Variants in ZSCAN31 observed in about 807,000 individuals in gnomAD.
The protein encoded by ZSCAN31 is zinc finger and SCAN domain-containing protein 31.
In ZSCAN31, 14 loss-of-function variants were observed where a neutral mutation model predicts 22.5. The observed-to-expected ratio is 0.62, with a 90% confidence interval of 0.41 to 0.97. ZSCAN31 has a LOEUF of 0.97. ZSCAN31 is among the 50% of genes least tolerant of loss of function. The probability of loss-of-function intolerance (pLI) is 0.00; values close to 1 mark genes in which losing one functional copy is unlikely to be tolerated. For missense variants in ZSCAN31, 424 were observed against 483.4 expected, an observed-to-expected ratio of 0.88 and a Z score of 1.15; for synonymous variants, 168 against 169.8, an observed-to-expected ratio of 0.99 and a Z score of 0.08.
rs1417106920 is a variant in ZSCAN31 at position 28,349,163 on chromosome 6, TCA to T, written c.-371+4697_-371+4698del. Among the ~76,000 whole-genome samples, 1 of 20,902 alleles carries T rather than the reference TCA, an allele frequency of 4.8e-5. No individual in the cohort carries two copies. The highest frequency in any genetic ancestry group is 9.4e-5 in the Non-Finnish European group (1 of 10,686). 13.7% of individuals were successfully genotyped at this position (20,902 alleles called of 152,430 possible). ...TCATATATAGGTGTATATATATGTCTCATATATATAGGTGTATATATATGTCT... is the reference window on the plus strand; with the variant it reads ...TCATATATAGGTGTATATATATGTCTTATATATAGGTGTATATATATGTCT... On this transcript the variant is annotated intron_variant, in intron 2 of 7. Coordinates refer to the ZSCAN31 transcript ENST00000396838. The surrounding 1 kb of genome is among the most constrained non-coding windows in gnomAD (Gnocchi z 4.1).
Position 28,326,312 on chromosome 6 carries a change from C to T in ZSCAN31, c.1075G>A (p.Ala359Thr). 1 of 1,614,178 alleles carries T rather than the reference C, an allele frequency of 6.2e-7. No individual in the cohort carries two copies. The highest frequency in any genetic ancestry group is 1.1e-5 in the South Asian group (1 of 91,076). Residue 359 changes from alanine (A) to threonine (T), a missense_variant, in exon 4 of 4, where the codon GCC becomes ACC. By Grantham distance (58) the Ala-to-Thr change is moderately conservative (BLOSUM62 0). Transcript: ENST00000344279. Reference protein sequence around the residue: ...KRYQCRECGKAFIQNAGLFQH... With the variant: ...KRYQCRECGKTFIQNAGLFQH... ...AAAAGCCCTGCATTCTGAATGAAGG[C>T]TTTGCCACACTCACGACACTGATAG...
intron 2 of ZSCAN31, among the ~76,000 whole-genome samples, chr6:28,348,072 TTC>T (rs768453657): frequency 5.3e-5 from 8 of 152,244 alleles, no homozygotes; most frequent in Admixed American, 1.3e-4. Flanking sequence ...GTTGGCTTTT[TTC>T]TCTCTTATTC....
At chr6:28,340,113 A>G (rs866566257), upstream of ZSCAN31, among the ~76,000 whole-genome samples, 1 of 152,384 alleles carries the variant, frequency 6.6e-6, no homozygotes, top group African/African-American at 2.4e-5. Flanking sequence ...TGCAGTGGAA[A>G]TAGATAGGAA....
rs1227674258 is a variant in ZSCAN31 at position 28,326,197 on chromosome 6, T to C, written c.1190A>G (p.His397Arg). The C allele has an allele frequency of 4.3e-6, 7 of 1,611,524 alleles. No individual in the cohort carries two copies. The highest frequency in any genetic ancestry group is 5.9e-6 in the Non-Finnish European group (7 of 1,178,092). Residue 397 changes from histidine to arginine, a missense_variant, in exon 4 of 4, where the codon CAT becomes CGT. Coordinates refer to ENST00000344279, the MANE Select transcript of ZSCAN31 (RefSeq NM_030899.5). The part of the protein sequence containing the change: ...LFSKRTLLKK[H>R]QKIHTGERP ...TCTCTCTCCAGTGTGGATTTTCTGA[T>C]GTTTCTTAAGAAGTGTCCGCTTACT...
At chr6:28,327,844 G>T (rs1277972312) in intron 2 of ZSCAN31, among the ~76,000 whole-genome samples, 2 of 152,128 alleles carry the variant, frequency 1.3e-5, no homozygotes, top group Non-Finnish European at 2.9e-5. Flanking sequence ...TAACTTCTGA[G>T]TCGTAAAAAG....
rs1410757453 is a variant in ZSCAN31, at chr6:28,347,698, C to G, written c.-370-5906G>C. Among the ~76,000 whole-genome samples the G allele has an allele frequency of 6.6e-6, 1 of 152,178 alleles. No individual in the cohort carries two copies. Among genetic ancestry groups the G allele is most frequent in the Non-Finnish European group, 1.5e-5 (1 of 68,034 alleles). On this transcript the variant is annotated intron_variant, in intron 2 of 7. Transcript: ENST00000396838. The surrounding 1 kb of genome is among the most constrained non-coding windows in gnomAD (Gnocchi z 5.2). The stretch of plus-strand genomic sequence containing the variant: ...CATCTAAAGCTATGTCTGGCCTAGA[C>G]TAGTCAATTAACATTTTTGTTTATG...
At chr6:28,343,904 A>G (rs1764532254) in intron 2 of ZSCAN31, among the ~76,000 whole-genome samples, 1 of 152,142 alleles carries the variant, frequency 6.6e-6, no homozygotes, top group Non-Finnish European at 1.5e-5. Context: ...TGGTAAATGC[A>G]TTCTTTTCCA....
upstream of ZSCAN31, among the ~76,000 whole-genome samples, chr6:28,338,727 T>C (rs1764297171): frequency 6.6e-6 from 1 of 152,192 alleles, no homozygotes; most frequent in Admixed American, 6.5e-5. Flanking sequence ...CTATAGTAAC[T>C]CTCCCCTAAT....
At chr6:28,354,524 T>C (rs1765292217), upstream of ZSCAN31, among the ~76,000 whole-genome samples, 1 of 152,092 alleles carries the variant, frequency 6.6e-6, no homozygotes, top group African/African-American at 2.4e-5. Context: ...GACACATAAG[T>C]CTGACACATA....
In ZSCAN31 at chr6:28,351,481, T is replaced by A. The variant is rs1027887547; in HGVS notation, c.-371+2381A>T. Among the ~76,000 whole-genome samples, 1 of 152,192 alleles carries A rather than the reference T, an allele frequency of 6.6e-6. No homozygotes were observed. The stretch of plus-strand genomic sequence containing the variant: ...TAGGACATTGTTTAATTTTCTAAAA[T>A]TTTGGAGAGAAATTTAAACACATTT... On this transcript the variant is annotated intron_variant, in intron 2 of 7. Coordinates refer to the ZSCAN31 transcript ENST00000396838. The surrounding 1 kb of genome is among the most constrained non-coding windows in gnomAD (Gnocchi z 4.6).
In ZSCAN31 at chr6:28,351,943, T is replaced by C. The variant is rs1303441012; in HGVS notation, c.-371+1919A>G. Among the ~76,000 whole-genome samples the C allele has an allele frequency of 2.0e-5, 3 of 152,124 alleles. No homozygotes were observed. Among genetic ancestry groups the C allele is most frequent in the African/African-American group, 7.2e-5 (3 of 41,432 alleles). On this transcript the variant is annotated intron_variant, in intron 2 of 7. Coordinates refer to the ZSCAN31 transcript ENST00000396838. This position sits in a 1 kb window ranked among gnomAD's most constrained non-coding sequence, Gnocchi z 4.6. ...ATTGACAATAATTCCTTGATATCAT[T>C]ATCTTGATTTTCAAATAATTGTCTC...
Position 28,326,817 on chromosome 6 carries a change from T to G in ZSCAN31, c.570A>C (p.Ser190=). ...CCATTTCTTTTAAGATTTCTTGCTT[T>G]GATGCCAACTCCTGGTTCTCAGGTA... The part of the protein sequence containing the change: ...ESIPENQELA[S]KQEILKEMEH... Residue 190 remains serine (S), a synonymous_variant, in exon 4 of 4, where the codon TCA becomes TCC. Transcript: ENST00000344279. 1 of 1,612,614 alleles carries G rather than the reference T, an allele frequency of 6.2e-7. No individual in the cohort carries two copies. Among genetic ancestry groups the G allele is most frequent in the Non-Finnish European group, 8.5e-7 (1 of 1,179,828 alleles).
Position 28,351,645 on chromosome 6 carries a change from T to G in ZSCAN31, c.-371+2217A>C, listed in dbSNP as rs1439261228. 6.6e-6 allele frequency among the ~76,000 whole-genome samples: 1 copy of G among 151,866 alleles called. No individual in the cohort carries two copies. The highest frequency in any genetic ancestry group is 1.5e-5 in the Non-Finnish European group (1 of 67,946). The stretch of plus-strand genomic sequence containing the variant: ...TTCCCTTCTCCTCCTCCTTCCCTTT[T>G]GTCTCCCTCCTTCCCTTTTACTTCC... On this transcript the variant is annotated intron_variant, in intron 2 of 7. Coordinates refer to the ZSCAN31 transcript ENST00000396838. The surrounding 1 kb of genome is among the most constrained non-coding windows in gnomAD (Gnocchi z 4.6).
chr6:28,355,179 G>T (rs1416796050), upstream of ZSCAN31: 1 of 152,120 alleles, frequency 6.6e-6, no homozygotes, highest in African/African-American at 2.4e-5. Context: ...AGGACTGTAG[G>T]TCCTAAGACT....
At chr6:28,327,326 T>A in intron 3 of ZSCAN31, 57 bp downstream of exon 3, 1 of 1,594,390 alleles carries the variant, frequency 6.3e-7, no homozygotes, top group Non-Finnish European at 8.6e-7. Flanking sequence ...CAGTCTTAAC[T>A]ATCGCCCTAT....
chr6:28,328,583 G>T (rs1257605695), intron 2 of ZSCAN31, among the ~76,000 whole-genome samples: 1 of 152,042 alleles, frequency 6.6e-6, no homozygotes, highest in Non-Finnish European at 1.5e-5. Flanking sequence ...TTTTCAAGGT[G>T]CCCACATTTC....
At position 28,326,272 on chromosome 6, in the gene ZSCAN31, A is replaced by T; in HGVS notation, c.1115T>A (p.Val372Asp). ...QNAGLFQHLR[V>D]HTGEKPYQCS... is the part of the protein sequence containing the mutation. The stretch of plus-strand genomic sequence containing the variant: ...CTGATAGGGTTTCTCACCAGTGTGG[A>T]CTCGGAGATGCTGGAAAAGCCCTGC... The change falls in exon 4 of 4, where the codon GTC becomes GAC. Residue 372 changes from valine (V) to aspartate (D), a missense_variant. Coordinates refer to ENST00000344279, the MANE Select transcript of ZSCAN31 (RefSeq NM_030899.5). 1 of 1,613,958 alleles carries T rather than the reference A, an allele frequency of 6.2e-7. No homozygotes were observed. Among genetic ancestry groups the T allele is most frequent in the Non-Finnish European group, 8.5e-7 (1 of 1,179,990 alleles).
chr6:28,340,374 G>T (rs868488207), upstream of ZSCAN31, among the ~76,000 whole-genome samples: 6 of 152,194 alleles, frequency 3.9e-5, no homozygotes, highest in African/African-American at 1.2e-4. Flanking sequence ...GGGCCCAGTG[G>T]GAAATAATTG....
upstream of ZSCAN31, among the ~76,000 whole-genome samples, chr6:28,354,988 G>A (rs937574351): frequency 6.6e-5 from 10 of 152,168 alleles, no homozygotes; most frequent in African/African-American, 2.2e-4. Flanking sequence ...GTCCACACCT[G>A]GTATCAAACC....
Sources: gnomAD v4.1 joint callset for allele counts (sites outside exome capture counted in the v4.1 genomes callset) on GRCh38, gnomAD v4.1.1 for gene constraint, Gnocchi (gnomAD v3.1) non-coding constraint, MANE v1.5 for transcripts, NCBI Gene and HGNC (gene_info 2026-07-23, HGNC 2026-07-21) for gene names.